The following PDIA2 variants were observed in gnomAD, a reference collection of about 807,000 sequenced individuals.
The protein encoded by PDIA2 is protein disulfide isomerase family A member 2.
PDIA2 carries 76 observed loss-of-function variants against 51.1 expected under a neutral mutation model. That is an observed-to-expected ratio of 1.49 (90% CI 1.24 to 1.80). The LOEUF (loss-of-function observed/expected upper bound fraction) is 1.80, where lower values mean the gene tolerates loss of function less well. Ranked by LOEUF, PDIA2 falls within the 40% of genes most tolerant of loss-of-function variation. The pLI is 0.00. For synonymous variants in PDIA2, 429 were observed against 309.9 expected, an observed-to-expected ratio of 1.38 and a Z score of -4.04; for missense variants, 946 against 706.5, an observed-to-expected ratio of 1.34 and a Z score of -3.84.
Position 287,149 on chromosome 16 carries a change from AG to A in PDIA2, c.*38del. 1.2e-6 allele frequency: 2 copies of A among 1,611,644 alleles called. No individual in the cohort carries two copies. Among genetic ancestry groups the A allele is most frequent in the South Asian group, 2.2e-5 (2 of 91,002 alleles). On this transcript the variant is annotated 3_prime_UTR_variant, in exon 11 of 11. Transcript: ENST00000219406. ...GTCACCCCCGCCATCACTGCTGGACAGGAGCCACCCCCTTGGGTACCAGAGG... is the reference window on the plus strand; with the variant it reads ...GTCACCCCCGCCATCACTGCTGGACAGAGCCACCCCCTTGGGTACCAGAGG...
At chr16:285,748 T>TCC in intron 7 of PDIA2, 45 bp downstream of exon 7, 1 of 1,582,708 alleles carries the variant, frequency 6.3e-7, no homozygotes, top group Non-Finnish European at 8.6e-7. Context: ...CCTGACCTCA[T>TCC]CCCACCAGCT....
Position 286,180 on chromosome 16 carries a change from C to A in PDIA2, c.1120-173C>A, listed in dbSNP as rs569143638. Among the ~76,000 whole-genome samples, 164 of 34,962 alleles carry A rather than the reference C, an allele frequency of 4.7e-3. 8 individuals are homozygous for A. The highest frequency in any genetic ancestry group is 0.023 in the African/African-American group (154 of 6,558). The allele number at this position is 34,962 out of a possible 152,430, so 22.9% of individuals were successfully genotyped here. On this transcript the variant is annotated intron_variant, in intron 7 of 10. Transcript: ENST00000219406. ...GTCAGGCCCTGCAGAGGATCTCCCC[C>A]CCACCTGCCCCCGGCCCCGCACAGG...
At chr16:284,248 G>A in intron 1 of PDIA2, 139 bp from the exon 2 acceptor site, 1 of 846,590 alleles carries the variant, frequency 1.2e-6, no homozygotes, top group South Asian at 1.6e-5. Flanking sequence ...CCACGAAGAG[G>A]CACTGGTGCT....
Position 284,965 on chromosome 16 carries a change from C to G in PDIA2, c.628C>G (p.Leu210Val), listed in dbSNP as rs1053318654. Reference protein sequence around the residue: ...MTFGLTDRPRLFQQFGLTKDT... With the variant: ...MTFGLTDRPRVFQQFGLTKDT... ...CTTTGGCCTCACAGACCGGCCGCGGCTCTTTCAGCAGTTTGGCCTCACCAA... is the reference window on the plus strand; with the variant it reads ...CTTTGGCCTCACAGACCGGCCGCGGGTCTTTCAGCAGTTTGGCCTCACCAA... The change falls in exon 4 of 11, where the codon CTC becomes GTC. Residue 210 changes from leucine (L) to valine (V), a missense_variant. Coordinates refer to ENST00000219406, the MANE Select transcript of PDIA2 (RefSeq NM_006849.4). 1 of 1,613,404 alleles carries G rather than the reference C, an allele frequency of 6.2e-7. No homozygotes were observed. The highest frequency in any genetic ancestry group is 8.5e-7 in the Non-Finnish European group (1 of 1,180,006).
chr16:286,443 G>A lies in PDIA2; in HGVS notation c.1210G>A (p.Asp404Asn), dbSNP rs2052380826. Residue 404 changes from aspartate to asparagine, a missense_variant, in exon 8 of 11, where the codon GAC becomes AAC. Asp to Asn is a conservative substitution (Grantham distance 23, BLOSUM62 1). Coordinates refer to ENST00000219406, the MANE Select transcript of PDIA2 (RefSeq NM_006849.4). Reference sequence around the variant, plus strand: ...CAAGAATTTTGAGCAGGTGGCTTTTGACGAAACCAAGAATGTGTTTGTCAA... The same window carrying A: ...CAAGAATTTTGAGCAGGTGGCTTTTAACGAAACCAAGAATGTGTTTGTCAA... ...VGKNFEQVAF[D>N]ETKNVFVKFY... 6.2e-7 allele frequency: 1 copy of A among 1,612,940 alleles called. No homozygotes were observed.
At position 284,391 on chromosome 16, in the gene PDIA2, C is replaced by A; in HGVS notation, c.204C>A (p.Ala68=). The A allele has an allele frequency of 1.3e-6, 2 of 1,555,640 alleles. No homozygotes were observed. Among genetic ancestry groups the A allele is most frequent in the Non-Finnish European group, 1.7e-6 (2 of 1,156,512 alleles). The change falls in exon 2 of 11, where the codon GCC becomes GCA. Residue 68 remains alanine (A), a synonymous_variant. Transcript: ENST00000219406. ...ACTCACGGCCCCATCCCCCAGATGC[C>A]CCGTGGTGTGGGCACTGCCAGGCCC... The part of the protein sequence containing the change: ...EHPALLVEFY[A]PWCGHCQALA...
chr16:287,173 AGGGAGCTGTGCATTGT>A lies in PDIA2; in HGVS notation c.*62_*77del. On this transcript the variant is annotated 3_prime_UTR_variant, in exon 11 of 11. Coordinates refer to ENST00000219406, the MANE Select transcript of PDIA2 (RefSeq NM_006849.4). ...CAGGAGCCACCCCCTTGGGTACCAG[AGGGAGCTGTGCATTGT>A]GAATAAAGAGTGAGCTTGGTTCTGG... 2 of 1,599,230 alleles carry A rather than the reference AGGGAGCTGTGCATTGT, an allele frequency of 1.3e-6. No homozygotes were observed. The highest frequency in any genetic ancestry group is 4.5e-5 in the East Asian group (2 of 44,846).
At position 287,089 on chromosome 16, in the gene PDIA2, T is replaced by C. The variant is rs1400047727; in HGVS notation, c.1554T>C (p.Thr518=). The change falls in exon 11 of 11, where the codon ACT becomes ACC. Residue 518 remains threonine (T), a synonymous_variant. Transcript: ENST00000219406. ...APFPEPPANS[T]MGSKEEL is the part of the protein sequence containing the mutation. ...TCTAGGAGCCACCGGCCAACTCCACTATGGGGTCCAAGGAGGAACTGTAGC... is the reference window on the plus strand; with the variant it reads ...TCTAGGAGCCACCGGCCAACTCCACCATGGGGTCCAAGGAGGAACTGTAGC... 6.2e-7 allele frequency: 1 copy of C among 1,612,716 alleles called. No individual in the cohort carries two copies. The highest frequency in any genetic ancestry group is 8.5e-7 in the Non-Finnish European group (1 of 1,179,958).
At position 286,678 on chromosome 16, in the gene PDIA2, CT is replaced by C; in HGVS notation, c.1367del (p.Phe456SerfsTer20). The C allele has an allele frequency of 6.2e-7, 1 of 1,612,918 alleles. No individual in the cohort carries two copies. Among genetic ancestry groups the C allele is most frequent in the Non-Finnish European group, 8.5e-7 (1 of 1,180,008 alleles). ...ATGCCACGGCCAACGAGCTGGATGC[CT>C]TCGCTGTGCACGGCTTCCCTACTCT... is the stretch of plus-strand genomic sequence containing the variant. The part of the protein sequence containing the change: ...LDATANELDA[F>X]AVHGFPTLKY... On this transcript the variant is annotated frameshift_variant, in exon 9 of 11. Transcript: ENST00000219406. LOFTEE classifies it high-confidence loss of function.
Position 286,658 on chromosome 16 carries a change from A to G in PDIA2, c.1345A>G (p.Thr449Ala), listed in dbSNP as rs763004639. 5.6e-6 allele frequency: 9 copies of G among 1,612,542 alleles called. No individual in the cohort carries two copies. The Admixed American group carries it at 1.5e-4, about 27-fold the overall frequency. Reference protein sequence around the residue: ...EDIIIAELDATANELDAFAVH... With the variant: ...EDIIIAELDAAANELDAFAVH... Reference sequence around the variant, plus strand: ...CATCATCATTGCTGAGCTGGATGCCACGGCCAACGAGCTGGATGCCTTCGC... The same window carrying G: ...CATCATCATTGCTGAGCTGGATGCCGCGGCCAACGAGCTGGATGCCTTCGC... Residue 449 changes from threonine to alanine, a missense_variant, in exon 9 of 11, where the codon ACG (threonine) becomes GCG (alanine). Transcript: ENST00000219406.
rs190676047 is a variant in PDIA2 at position 284,526 on chromosome 16, T to C, written c.339T>C (p.Gly113=). 2.5e-6 allele frequency: 4 copies of C among 1,612,460 alleles called. No individual in the cohort carries two copies. Among genetic ancestry groups the C allele is most frequent in the Non-Finnish European group, 3.4e-6 (4 of 1,179,676 alleles). Residue 113 remains glycine, a synonymous_variant, in exon 2 of 11, where the codon GGT becomes GGC. Coordinates refer to ENST00000219406, the MANE Select transcript of PDIA2 (RefSeq NM_006849.4). ...PAQRELAEEF[G]VTEYPTLKFF... Reference sequence around the variant, plus strand: ...AGCGCGAGCTGGCTGAGGAGTTTGGTGTGACGGAGTACCCTACGCTCAAGT... The same window carrying C: ...AGCGCGAGCTGGCTGAGGAGTTTGGCGTGACGGAGTACCCTACGCTCAAGT...
rs759166965 is a variant in PDIA2, at chr16:284,712, A to C, written c.460A>C (p.Ser154Arg). The change falls in exon 3 of 11, where the codon AGT (serine) becomes CGT (arginine). Residue 154 changes from serine to arginine, a missense_variant. Transcript: ENST00000219406. Reference protein sequence around the residue: ...AEWLRRRVGPSAMRLEDEAAA... With the variant: ...AEWLRRRVGPRAMRLEDEAAA... ...GTGGCTGCGACGGCGGGTGGGGCCC[A>C]GTGCCATGCGGCTGGAGGACGAGGC... is the stretch of plus-strand genomic sequence containing the variant. 1.3e-6 allele frequency: 2 copies of C among 1,575,870 alleles called. No individual in the cohort carries two copies. The highest frequency in any genetic ancestry group is 2.3e-5 in the South Asian group (2 of 87,978).
In PDIA2 at chr16:287,179, C is replaced by G. The variant is rs958762037; in HGVS notation, c.*66C>G. On this transcript the variant is annotated 3_prime_UTR_variant, in exon 11 of 11. Transcript: ENST00000219406. ...CCACCCCCTTGGGTACCAGAGGGAG[C>G]TGTGCATTGTGAATAAAGAGTGAGC... The G allele has an allele frequency of 6.3e-7, 1 of 1,587,086 alleles. No individual in the cohort carries two copies. Among genetic ancestry groups the G allele is most frequent in the Non-Finnish European group, 8.6e-7 (1 of 1,157,838 alleles).
chr16:283,404 G>A, intron 1 of PDIA2, 36 bp downstream of exon 1: 1 of 1,533,350 alleles, frequency 6.5e-7, no homozygotes, highest in African/African-American at 1.4e-5. Context: ...GGGACCGGCG[G>A]GGGACCGGCA....
rs764142108 is a variant in PDIA2, at chr16:286,717, A to G, written c.1404A>G (p.Pro468=). ...VHGFPTLKYF[P]AGPGRKVIEY... is the part of the protein sequence containing the mutation. The stretch of plus-strand genomic sequence containing the variant: ...GCTTCCCTACTCTCAAGTACTTCCC[A>G]GCAGGGCCAGGTCGGAAGGTATGGC... Residue 468 remains proline, a synonymous_variant, in exon 9 of 11, where the codon CCA becomes CCG. Transcript: ENST00000219406. The G allele has an allele frequency of 2.5e-6, 4 of 1,612,738 alleles. No homozygotes were observed. The African/African-American group carries it at 5.3e-5, about 22-fold the overall frequency.
Position 285,706 on chromosome 16 carries a change from C to G in PDIA2, c.1119+3C>G, listed in dbSNP as rs1383379508. 6.2e-7 allele frequency: 1 copy of G among 1,612,034 alleles called. No homozygotes were observed. Among genetic ancestry groups the G allele is most frequent in the Non-Finnish European group, 8.5e-7 (1 of 1,179,596 alleles). ...CAGTCCTCAACGGCCAAGTCAAGGT[C>G]CGCTGCAGACTGCTCATAATGGAAG... On this transcript the variant is annotated splice_donor_region_variant and intron_variant, in intron 7 of 10. Coordinates refer to ENST00000219406, the MANE Select transcript of PDIA2 (RefSeq NM_006849.4).
Position 286,688 on chromosome 16 carries a change from CACGG to C in PDIA2, c.1376_1379del (p.His459ProfsTer16). 1 of 1,612,464 alleles carries C rather than the reference CACGG, an allele frequency of 6.2e-7. No individual in the cohort carries two copies. Among genetic ancestry groups the C allele is most frequent in the Non-Finnish European group, 8.5e-7 (1 of 1,179,982 alleles). On this transcript the variant is annotated frameshift_variant, in exon 9 of 11. Coordinates refer to ENST00000219406, the MANE Select transcript of PDIA2 (RefSeq NM_006849.4). LOFTEE classifies it high-confidence loss of function. ...CAACGAGCTGGATGCCTTCGCTGTG[CACGG>C]CTTCCCTACTCTCAAGTACTTCCCA... is the stretch of plus-strand genomic sequence containing the variant.
At position 284,307 on chromosome 16, in the gene PDIA2, T is replaced by C. The variant is rs533425499; in HGVS notation, c.200-80T>C. 89 of 1,366,832 alleles carry C rather than the reference T, an allele frequency of 6.5e-5. No individual in the cohort carries two copies. In the African/African-American group the frequency reaches 1.1e-3, roughly 18 times the overall value. The allele number at this position is 1,366,832 out of a possible 1,614,324, so 84.7% of individuals were successfully genotyped here. On this transcript the variant is annotated intron_variant, in intron 1 of 10. Transcript: ENST00000219406. ...AGGGCAGAATGGAGCAGCACGCTTG[T>C]TCCCTGCTGGGTTGTCAGGTGTGGA...
Position 284,931 on chromosome 16 carries a change from G to C in PDIA2, c.594G>C (p.Leu198=). 1 of 1,613,282 alleles carries C rather than the reference G, an allele frequency of 6.2e-7. No individual in the cohort carries two copies. The highest frequency in any genetic ancestry group is 8.5e-7 in the Non-Finnish European group (1 of 1,179,980). Residue 198 remains leucine, a synonymous_variant, in exon 4 of 11, where the codon CTG becomes CTC. Coordinates refer to ENST00000219406, the MANE Select transcript of PDIA2 (RefSeq NM_006849.4). ...TCTTGGCCTTGGCCCAGGACGCCCT[G>C]GACATGACCTTTGGCCTCACAGACC... The part of the protein sequence containing the change: ...ATFLALAQDA[L]DMTFGLTDRP...
Sources: gnomAD v4.1 joint callset for allele counts (sites outside exome capture counted in the v4.1 genomes callset) on GRCh38, gnomAD v4.1.1 for gene constraint, MANE v1.5 for transcripts, NCBI Gene and HGNC (gene_info 2026-07-23, HGNC 2026-07-21) for gene names.